Variants in DNAJC18 observed in about 807,000 individuals in gnomAD.
DNAJC18 encodes the protein dnaJ homolog subfamily C member 18.
In DNAJC18, 40 loss-of-function variants were observed where a neutral mutation model predicts 48.6. The ratio of observed to expected loss-of-function variants is 0.82; its 90% CI spans 0.64 to 1.07. DNAJC18 has a LOEUF of 1.07. DNAJC18 is among the 50% of genes least tolerant of loss of function. DNAJC18 has a pLI of 0.00. For missense variants in DNAJC18, 340 were observed against 427.7 expected (o/e 0.79, Z 1.81); for synonymous variants, 135 against 152.2 (o/e 0.89, Z 0.83).
intron 4 of DNAJC18, among the ~76,000 whole-genome samples, chr5:139,425,464 C>T (rs2152083894): frequency 6.6e-6 from 1 of 152,338 alleles, no homozygotes; most frequent in East Asian, 1.9e-4. Context: ...GCGCCTGACC[C>T]TTCCTTGCCT....
At position 139,419,954 on chromosome 5, in the gene DNAJC18, C is replaced by T. The variant is rs1759125560; in HGVS notation, c.952+99G>A. Reference sequence around the variant, plus strand: ...CTCTGACTCTGTTCACATAAACATGCGTAGCCTCAAACAAGAAGAGAGGAG... The same window carrying T: ...CTCTGACTCTGTTCACATAAACATGTGTAGCCTCAAACAAGAAGAGAGGAG... On this transcript the variant is annotated intron_variant, in intron 7 of 7. Transcript: ENST00000302060. 1.6e-5 allele frequency: 19 copies of T among 1,222,936 alleles called. 1 individual carries two copies. The South Asian group carries it at 2.5e-4, about 16-fold the overall frequency. The allele number at this position is 1,222,936 out of a possible 1,614,324, so 75.8% of individuals were successfully genotyped here.
chr5:139,426,245 A>G lies in DNAJC18; in HGVS notation c.486T>C (p.Tyr162=). The stretch of plus-strand genomic sequence containing the variant: ...TGATGTCAGCTTCAAAATCCCTGTA[A>G]TAATTATAAGGTCTGGCTCGAGGGG... ...FTAPRARPYN[Y]YRDFEADITP... Residue 162 remains tyrosine, a synonymous_variant, in exon 4 of 8, where the codon TAT becomes TAC. Coordinates refer to ENST00000302060, the MANE Select transcript of DNAJC18 (RefSeq NM_152686.4). 1.2e-6 allele frequency: 2 copies of G among 1,614,230 alleles called. No homozygotes were observed. Among genetic ancestry groups the G allele is most frequent in the Admixed American group, 1.7e-5 (1 of 60,026 alleles).
At chr5:139,422,541 G>C (rs1033300060) in intron 6 of DNAJC18, among the ~76,000 whole-genome samples, 167 bp downstream of exon 6, 1 of 152,252 alleles carries the variant, frequency 6.6e-6, no homozygotes, top group Non-Finnish European at 1.5e-5. Context: ...GACTGCCTCA[G>C]TATTTTTGAG....
In DNAJC18 at chr5:139,412,609, T is replaced by C. The variant is rs1244680959; in HGVS notation, c.*1539A>G. ...TCCAATATGAAGGAAGCATGGAGTG[T>C]AGGCTACAGTCACTTAATGATCCTT... On this transcript the variant is annotated 3_prime_UTR_variant, in exon 8 of 8. Coordinates refer to ENST00000302060, the MANE Select transcript of DNAJC18 (RefSeq NM_152686.4). 2 of 398,332 alleles carry C rather than the reference T, an allele frequency of 5.0e-6. No homozygotes were observed. Among genetic ancestry groups the C allele is most frequent in the South Asian group, 2.6e-4 (2 of 7,760 alleles). The allele number at this position is 398,332 out of a possible 1,614,324, so 24.7% of individuals were successfully genotyped here.
intron 5 of DNAJC18, among the ~76,000 whole-genome samples, chr5:139,423,467 G>A (rs1759185709): frequency 6.6e-6 from 1 of 150,454 alleles, no homozygotes. Flanking sequence ...ATGGCTCACT[G>A]CAGCCTTGAC....
rs755936489 is a variant in DNAJC18, at chr5:139,425,004, C to T, written c.669+1G>A. 2 of 1,612,394 alleles carry T rather than the reference C, an allele frequency of 1.2e-6. No homozygotes were observed. The highest frequency in any genetic ancestry group is 1.7e-6 in the Non-Finnish European group (2 of 1,178,660). The stretch of plus-strand genomic sequence containing the variant: ...AGCAGTGCTCCTCCCTCCCTAGGTA[C>T]CTGAGGTTTCTCTTCTTCCTCCTCC... On this transcript the variant is annotated splice_donor_variant, in intron 5 of 7. Coordinates refer to ENST00000302060, the MANE Select transcript of DNAJC18 (RefSeq NM_152686.4). LOFTEE classifies it high-confidence loss of function.
intron 2 of DNAJC18, among the ~76,000 whole-genome samples, chr5:139,433,898 G>T (rs1036108769): frequency 7.9e-5 from 12 of 152,222 alleles, no homozygotes; most frequent in Admixed American, 1.3e-4. Context: ...TGATGATGAT[G>T]ATTATTATTT....
chr5:139,428,434 A>C, intron 3 of DNAJC18, 104 bp downstream of exon 3: 1 of 1,454,298 alleles, frequency 6.9e-7, no homozygotes, highest in Non-Finnish European at 9.2e-7. Flanking sequence ...AGGGGGAAAA[A>C]ACCCTCCTTA....
chr5:139,421,650 T>C (rs1458408733), intron 6 of DNAJC18, among the ~76,000 whole-genome samples: 1 of 151,036 alleles, frequency 6.6e-6, no homozygotes. Context: ...TACTAAAATA[T>C]AAAAATTATC....
intron 2 of DNAJC18, among the ~76,000 whole-genome samples, chr5:139,431,104 G>A (rs1759323882): frequency 6.6e-6 from 1 of 152,026 alleles, no homozygotes; most frequent in Non-Finnish European, 1.5e-5. Flanking sequence ...GCTGCCCATG[G>A]GGAGTCTTTG....
chr5:139,436,473 C>T (rs978395327), intron 2 of DNAJC18, among the ~76,000 whole-genome samples: 9 of 146,370 alleles, frequency 6.1e-5, no homozygotes, highest in African/African-American at 2.2e-4. Context: ...TGTTGGCACA[C>T]AATTGTTCAT....
chr5:139,437,421 C>G lies in DNAJC18; in HGVS notation c.178G>C (p.Gly60Arg). 1 of 1,614,036 alleles carries G rather than the reference C, an allele frequency of 6.2e-7. No individual in the cohort carries two copies. The highest frequency in any genetic ancestry group is 1.3e-5 in the African/African-American group (1 of 75,030). The change falls in exon 2 of 8, where the codon GGT becomes CGT. Residue 60 changes from glycine to arginine, a missense_variant. Transcript: ENST00000302060. ...SENEWTQTRQ[G>R]EGNSTYSEEQ... Reference sequence around the variant, plus strand: ...TCACTATACGTGGAGTTCCCCTCACCCTGCCGGGTCTGAGTCCACTCATTC... The same window carrying G: ...TCACTATACGTGGAGTTCCCCTCACGCTGCCGGGTCTGAGTCCACTCATTC...
chr5:139,424,926 C>A, intron 5 of DNAJC18, 79 bp downstream of exon 5: 1 of 1,216,116 alleles, frequency 8.2e-7, no homozygotes, highest in South Asian at 1.2e-5. Flanking sequence ...GGTTCAACTT[C>A]TAAAACTTGA....
intron 2 of DNAJC18, among the ~76,000 whole-genome samples, chr5:139,434,318 T>G (rs978804321): frequency 6.8e-6 from 1 of 147,590 alleles, no homozygotes; most frequent in African/African-American, 2.4e-5. Flanking sequence ...TTTTTAAAAC[T>G]ATTTATTTAT....
Position 139,425,020 on chromosome 5 carries a change from T to C in DNAJC18, c.654A>G (p.Glu218=), listed in dbSNP as rs1561999472. 1.2e-6 allele frequency: 2 copies of C among 1,612,996 alleles called. No individual in the cohort carries two copies. Among genetic ancestry groups the C allele is most frequent in the Middle Eastern group, 3.3e-4 (2 of 6,058 alleles). Residue 218 remains glutamate (E), a synonymous_variant, in exon 5 of 8, where the codon GAA becomes GAG. Transcript: ENST00000302060. ...HERTQTQKEE[E]EEKPQTTYSA... ...CCCTAGGTACCTGAGGTTTCTCTTC[T>C]TCCTCCTCCTTCTGAGTCTGTGTCC...
At chr5:139,426,739 G>A (rs1190411660) in intron 3 of DNAJC18, among the ~76,000 whole-genome samples, 2 of 152,128 alleles carry the variant, frequency 1.3e-5, no homozygotes, top group African/African-American at 4.8e-5. Context: ...CATAAAAAAT[G>A]TGTTCTGGCC....
At position 139,425,042 on chromosome 5, in the gene DNAJC18, G is replaced by A. The variant is rs745925653; in HGVS notation, c.632C>T (p.Thr211Ile). The change falls in exon 5 of 8, where the codon ACA becomes ATA. Residue 211 changes from threonine (T) to isoleucine (I), a missense_variant. Physicochemically the swap from Thr to Ile is moderately conservative, Grantham distance 89. Coordinates refer to ENST00000302060, the MANE Select transcript of DNAJC18 (RefSeq NM_152686.4). The stretch of plus-strand genomic sequence containing the variant: ...TTCTTCCTCCTCCTTCTGAGTCTGT[G>A]TCCTCTCATGTCGGTGCCGTCGACG... ...YYRRRHRHER[T>I]QTQKEEEEEK... 3 of 1,613,336 alleles carry A rather than the reference G, an allele frequency of 1.9e-6. No homozygotes were observed. The highest frequency in any genetic ancestry group is 1.3e-5 in the African/African-American group (1 of 74,966).
chr5:139,424,943 A>T, intron 5 of DNAJC18, 62 bp downstream of exon 5: 1 of 1,356,194 alleles, frequency 7.4e-7, no homozygotes, highest in Non-Finnish European at 1.1e-6. Context: ...TTGACCATGT[A>T]CCATCAAGGT....
chr5:139,414,583 T>C (rs1235775426), intron 7 of DNAJC18, among the ~76,000 whole-genome samples: 1 of 152,236 alleles, frequency 6.6e-6, no homozygotes, highest in East Asian at 1.9e-4. Flanking sequence ...GAGACCACCC[T>C]ATAGCCTCCT....
Sources: gnomAD v4.1 joint callset for allele counts (sites outside exome capture counted in the v4.1 genomes callset) on GRCh38, gnomAD v4.1.1 for gene constraint, MANE v1.5 for transcripts, NCBI Gene and HGNC (gene_info 2026-07-23, HGNC 2026-07-21) for gene names.